DGKB: variants seen among roughly 807,000 people sequenced by gnomAD.
DGKB encodes 90 kDa diacylglycerol kinase.
A neutral mutation model predicts 114.3 loss-of-function variants in DGKB; 67 were observed. The ratio of observed to expected loss-of-function variants is 0.59; its 90% CI spans 0.48 to 0.72. The LOEUF is 0.72. DGKB is among the 30% of genes least tolerant of loss of function. The pLI, the probability that DGKB is intolerant of heterozygous loss-of-function variation, is 0.00. For synonymous variants in DGKB, 398 were observed against 323.1 expected (o/e 1.23, Z -2.49); for missense variants, 907 against 975.2 (o/e 0.93, Z 0.93).
intron 20 of DGKB, among the ~76,000 whole-genome samples, chr7:14,523,470 A>G (rs897583900): frequency 4.6e-5 from 7 of 152,184 alleles, no homozygotes; most frequent in Non-Finnish European, 1.0e-4. Flanking sequence ...TTTCCTTCTT[A>G]TAGTTCAGTC....
intron 2 of DGKB, among the ~76,000 whole-genome samples, chr7:14,765,953 C>A (rs1164763429): frequency 6.6e-6 from 1 of 151,868 alleles, no homozygotes; most frequent in Non-Finnish European, 1.5e-5. Flanking sequence ...CAATTTCAAG[C>A]CTCCCACATG....
intron 1 of DGKB, among the ~76,000 whole-genome samples, chr7:14,863,355 G>C (rs1473188587): frequency 6.6e-6 from 1 of 150,750 alleles, no homozygotes; most frequent in Non-Finnish European, 1.5e-5. Flanking sequence ...AAAATTATTA[G>C]TCATATTTTT....
intron 2 of DGKB, among the ~76,000 whole-genome samples, chr7:14,758,615 A>G (rs1035221891): frequency 6.6e-6 from 1 of 152,170 alleles, no homozygotes; most frequent in African/African-American, 2.4e-5. Context: ...TTTATGGAAC[A>G]GAGCATGGAA....
chr7:14,767,210 A>T (rs549821137), intron 2 of DGKB, among the ~76,000 whole-genome samples: 156 of 147,712 alleles, frequency 1.1e-3, no homozygotes, highest in Non-Finnish European at 1.2e-3. Context: ...ATAAAAAATT[A>T]AAAAAAAAAT....
At chr7:14,215,760 G>A (rs1788852888) in intron 23 of DGKB, among the ~76,000 whole-genome samples, 1 of 152,040 alleles carries the variant, frequency 6.6e-6, no homozygotes, top group South Asian at 2.1e-4. Context: ...GTAACTAGAA[G>A]TGTAATTAGT....
At chr7:14,485,550 G>C (rs1368577668) in intron 20 of DGKB, among the ~76,000 whole-genome samples, 1 of 152,088 alleles carries the variant, frequency 6.6e-6, no homozygotes, top group Admixed American at 6.6e-5. Flanking sequence ...CAAATCCCTA[G>C]AGTAGGATAT....
intron 1 of DGKB, among the ~76,000 whole-genome samples, chr7:14,896,477 T>G (rs533368404): frequency 1.5e-3 from 223 of 151,666 alleles, no homozygotes; most frequent in Middle Eastern, 6.8e-3. Context: ...CAATAAATAT[T>G]TTATTAATAT....
At chr7:14,437,532 T>C (rs1048957595) in intron 21 of DGKB, among the ~76,000 whole-genome samples, 1 of 151,972 alleles carries the variant, frequency 6.6e-6, no homozygotes, top group Admixed American at 6.6e-5. Flanking sequence ...TAAAAATTAT[T>C]TACTTACCAA....
chr7:14,820,994 T>C (rs1401097235), intron 2 of DGKB, among the ~76,000 whole-genome samples: 1 of 152,098 alleles, frequency 6.6e-6, no homozygotes, highest in African/African-American at 2.4e-5. Flanking sequence ...TTGTCTGTCC[T>C]CTCTAGGAAC....
At chr7:14,931,539 C>T (rs1055389953) in intron 1 of DGKB, among the ~76,000 whole-genome samples, 12 of 152,088 alleles carry the variant, frequency 7.9e-5, no homozygotes, top group African/African-American at 2.7e-4. Flanking sequence ...AGTCCTCAGA[C>T]CTTTGGTGAA....
intron 23 of DGKB, among the ~76,000 whole-genome samples, chr7:14,181,067 AT>A (rs764880715): frequency 2.0e-5 from 3 of 152,186 alleles, no homozygotes; most frequent in Non-Finnish European, 4.4e-5. Context: ...ATATAAAAAA[AT>A]AAAGTACTAT....
intron 20 of DGKB, among the ~76,000 whole-genome samples, chr7:14,507,170 G>C (rs1787219328): frequency 6.6e-6 from 1 of 152,174 alleles, no homozygotes; most frequent in Admixed American, 6.5e-5. Context: ...ACCTAGCCTA[G>C]TGTGCTTAAC....
rs537519118 is a variant in DGKB at position 14,379,473 on chromosome 7, A to G, written c.1836-34082T>C. Among the ~76,000 whole-genome samples, 4 of 151,782 alleles carry G rather than the reference A, an allele frequency of 2.6e-5. No homozygotes were observed. In the South Asian group the frequency reaches 8.3e-4, roughly 32 times the overall value. On this transcript the variant is annotated intron_variant, in intron 21 of 25. Coordinates refer to ENST00000402815, the MANE Select transcript of DGKB (RefSeq NM_001350709.2). ...AAATTTGGTGATTCAGAGAATAAGGAAAGAGAGTGGGGAGCGCTCTGACTA... is the reference window on the plus strand; with the variant it reads ...AAATTTGGTGATTCAGAGAATAAGGGAAGAGAGTGGGGAGCGCTCTGACTA...
intron 17 of DGKB, 46 bp downstream of exon 17, chr7:14,607,388 T>C: frequency 6.3e-6 from 6 of 952,470 alleles, no homozygotes; most frequent in East Asian, 5.0e-5. Flanking sequence ...ATTTAATTAA[T>C]TAACATTAAC....
intron 2 of DGKB, among the ~76,000 whole-genome samples, chr7:14,813,831 T>G (rs190730864): frequency 1.2e-3 from 186 of 152,308 alleles, no homozygotes; most frequent in African/African-American, 4.3e-3. Flanking sequence ...TATTTACACA[T>G]TTTCATTGGT....
At chr7:14,327,807 C>T (rs753798204) in intron 23 of DGKB, among the ~76,000 whole-genome samples, 1 of 151,968 alleles carries the variant, frequency 6.6e-6, no homozygotes, top group African/African-American at 2.4e-5. Flanking sequence ...GTATTTATCA[C>T]CAAGTATAAA....
At chr7:14,828,792 C>T (rs1288731879) in intron 2 of DGKB, among the ~76,000 whole-genome samples, 2 of 152,138 alleles carry the variant, frequency 1.3e-5, no homozygotes, top group East Asian at 3.9e-4. Flanking sequence ...TTATTTAGTC[C>T]ATTTCTGGGC....
chr7:14,601,289 C>T (rs928957393), intron 17 of DGKB, among the ~76,000 whole-genome samples: 1 of 152,092 alleles, frequency 6.6e-6, no homozygotes, highest in Non-Finnish European at 1.5e-5. Context: ...CCCACAGGTG[C>T]TCTGAATCCC....
At chr7:14,944,299 T>A (rs900084302) in intron 1 of DGKB, among the ~76,000 whole-genome samples, 14 of 151,872 alleles carry the variant, frequency 9.2e-5, no homozygotes, top group African/African-American at 3.4e-4. Flanking sequence ...TTAACACCAA[T>A]AGCAAGTAAT....
Sources: gnomAD v4.1 joint callset for allele counts (sites outside exome capture counted in the v4.1 genomes callset) on GRCh38, gnomAD v4.1.1 for gene constraint, MANE v1.5 for transcripts, NCBI Gene and HGNC (gene_info 2026-07-23, HGNC 2026-07-21) for gene names.